The following GNG4 variants were observed in gnomAD, a reference collection of about 807,000 sequenced individuals.
The protein encoded by GNG4 is guanine nucleotide-binding protein G(I)/G(S)/G(O) subunit gamma-4.
Under a neutral mutation model 5.8 loss-of-function variants are expected in GNG4, and 4 were observed. The observed-to-expected ratio is 0.69, with a 90% CI of 0.34 to 1.57. The LOEUF (loss-of-function observed/expected upper bound fraction) is 1.57. Ranked by LOEUF, GNG4 falls within the 40% of genes most tolerant of loss-of-function variation. The pLI, the probability that GNG4 is intolerant of heterozygous loss-of-function variation, is 0.06. For synonymous variants in GNG4, 29 were observed against 32.9 expected, an observed-to-expected ratio of 0.88 and a Z score of 0.41; for missense variants, 96 against 95.1, an observed-to-expected ratio of 1.01 and a Z score of -0.04.
chr1:235,586,462 C>A lies in GNG4; in HGVS notation c.-10-2614G>T, dbSNP rs1313346100. Among the ~76,000 whole-genome samples, 6 of 152,166 alleles carry A rather than the reference C, an allele frequency of 3.9e-5. No homozygotes were observed. The East Asian group carries it at 7.7e-4, about 20-fold the overall frequency. On this transcript the variant is annotated intron_variant, in intron 2 of 3. Transcript: ENST00000391854. ...GAGGAGACACAGTCTAGTTCCCAACCCTTCCCAGCTGATGCAATGAAAAAA... is the reference window on the plus strand; with the variant it reads ...GAGGAGACACAGTCTAGTTCCCAACACTTCCCAGCTGATGCAATGAAAAAA...
intron 1 of GNG4, among the ~76,000 whole-genome samples, chr1:235,620,756 A>C (rs909650768): frequency 1.3e-5 from 2 of 152,142 alleles, no homozygotes; most frequent in African/African-American, 4.8e-5. Context: ...AGGAAGGTCT[A>C]GATCTCCTGA....
intron 1 of GNG4, among the ~76,000 whole-genome samples, chr1:235,599,505 C>T (rs1165809685): frequency 6.6e-6 from 1 of 151,726 alleles, no homozygotes; most frequent in South Asian, 2.1e-4. Context: ...TTAGTAGAGA[C>T]GGGGTTTCAC....
chr1:235,587,423 T>TGA (rs1687810291), intron 2 of GNG4, among the ~76,000 whole-genome samples: 1 of 46,890 alleles, frequency 2.1e-5, no homozygotes, highest in Non-Finnish European at 3.8e-5. Context: ...GGTGGGGGTG[T>TGA]GTGTGTGAGG....
intron 1 of GNG4, among the ~76,000 whole-genome samples, chr1:235,613,360 A>C (rs988984015): frequency 6.6e-6 from 1 of 152,028 alleles, no homozygotes; most frequent in East Asian, 1.9e-4. Context: ...TCTGTGTCCT[A>C]CTCCCCAGAA....
chr1:235,634,416 A>G (rs1223580327), intron 1 of GNG4, among the ~76,000 whole-genome samples: 1 of 152,206 alleles, frequency 6.6e-6, no homozygotes, highest in Non-Finnish European at 1.5e-5. Context: ...GAGAGGGCTA[A>G]GTGCAGTATT....
intron 2 of GNG4, among the ~76,000 whole-genome samples, chr1:235,589,813 G>A (rs1687917403): frequency 6.6e-6 from 1 of 152,218 alleles, no homozygotes; most frequent in Non-Finnish European, 1.5e-5. Context: ...GTCTAGTGGA[G>A]AAAATGACCT....
At chr1:235,568,926 A>C (rs994922367) in intron 3 of GNG4, among the ~76,000 whole-genome samples, 1 of 151,376 alleles carries the variant, frequency 6.6e-6, no homozygotes, top group Non-Finnish European at 1.5e-5. Context: ...GCCTAGGTTC[A>C]AGCAATTCTC....
At chr1:235,584,910 G>A (rs755208046) in intron 2 of GNG4, among the ~76,000 whole-genome samples, 3 of 152,138 alleles carry the variant, frequency 2.0e-5, no homozygotes, top group Non-Finnish European at 2.9e-5. Flanking sequence ...ACAACTGTTG[G>A]ACTTTATTGT....
At position 235,574,522 on chromosome 1, in the gene GNG4, C is replaced by T. The variant is rs111753244; in HGVS notation, c.99+9218G>A. Among the ~76,000 whole-genome samples, 705 of 152,252 alleles carry T rather than the reference C, an allele frequency of 4.6e-3. 3 individuals carry two copies. The highest frequency in any genetic ancestry group is 0.016 in the African/African-American group (673 of 41,532). ...AGATGTTCTGCTTCTTTGTTGGAAG[C>T]GCTTTAAGTAAGCTCCATGCTTAGG... On this transcript the variant is annotated intron_variant, in intron 3 of 3. Coordinates refer to ENST00000391854, the MANE Select transcript of GNG4 (RefSeq NM_001098722.2).
rs1020248229 is a variant in GNG4 at position 235,611,842 on chromosome 1, C to T, written c.-122-16331G>A. ...CTTTGGGAGGTCGAGGCGGGAGGATCGCTTGAGTCCAGGAGTTCAAGAACA... is the reference window on the plus strand; with the variant it reads ...CTTTGGGAGGTCGAGGCGGGAGGATTGCTTGAGTCCAGGAGTTCAAGAACA... On this transcript the variant is annotated intron_variant, in intron 1 of 3. Coordinates refer to ENST00000391854, the MANE Select transcript of GNG4 (RefSeq NM_001098722.2). Among the ~76,000 whole-genome samples, 8 of 151,978 alleles carry T rather than the reference C, an allele frequency of 5.3e-5. No individual in the cohort carries two copies. In the South Asian group the frequency reaches 6.2e-4, roughly 12 times the overall value.
At chr1:235,588,511 C>T (rs1251248459) in intron 2 of GNG4, among the ~76,000 whole-genome samples, 1 of 152,156 alleles carries the variant, frequency 6.6e-6, no homozygotes, top group Non-Finnish European at 1.5e-5. Context: ...TGGCCCTTTC[C>T]TCTGTCCCTA....
chr1:235,629,992 T>A (rs1281233360), intron 1 of GNG4, among the ~76,000 whole-genome samples: 2 of 152,230 alleles, frequency 1.3e-5, no homozygotes, highest in Non-Finnish European at 2.9e-5. Flanking sequence ...CATCACATTG[T>A]TCCCCTCTAC....
At chr1:235,601,803 C>T (rs1198519497) in intron 1 of GNG4, among the ~76,000 whole-genome samples, 3 of 152,200 alleles carry the variant, frequency 2.0e-5, no homozygotes, top group Admixed American at 6.5e-5. Flanking sequence ...ATTTGGGGAC[C>T]TCTGAGCTCT....
chr1:235,578,818 C>T (rs1408316677), intron 3 of GNG4, among the ~76,000 whole-genome samples: 2 of 152,170 alleles, frequency 1.3e-5, no homozygotes, highest in African/African-American at 4.8e-5. Flanking sequence ...AGTTTCAGGG[C>T]TGGCTGCGGT....
intron 2 of GNG4, among the ~76,000 whole-genome samples, chr1:235,587,186 AGT>A (rs1353765617): frequency 8.0e-6 from 1 of 124,886 alleles, no homozygotes; most frequent in African/African-American, 3.2e-5. Flanking sequence ...TGTGGGGGTG[AGT>A]GTGTGTGACA....
chr1:235,562,589 G>C (rs1687092371), intron 3 of GNG4, among the ~76,000 whole-genome samples: 1 of 143,946 alleles, frequency 6.9e-6, no homozygotes, highest in South Asian at 2.2e-4. Flanking sequence ...AGGTTGCAGA[G>C]AGCCAAGATG....
At chr1:235,645,204 C>T (rs1657471295) in intron 1 of GNG4, among the ~76,000 whole-genome samples, 1 of 152,140 alleles carries the variant, frequency 6.6e-6, no homozygotes. Context: ...AGTGTCTGGA[C>T]CTGAGCCACA....
chr1:235,564,203 G>T (rs985943446), intron 3 of GNG4, among the ~76,000 whole-genome samples: 11 of 152,118 alleles, frequency 7.2e-5, no homozygotes, highest in Non-Finnish European at 1.6e-4. Flanking sequence ...ATTTATAACT[G>T]GGAGCTAAAT....
intron 3 of GNG4, among the ~76,000 whole-genome samples, chr1:235,554,138 G>A (rs1350826101): frequency 6.6e-6 from 1 of 152,176 alleles, no homozygotes; most frequent in Non-Finnish European, 1.5e-5. Flanking sequence ...ACAGGGCTGC[G>A]ATGGACACAC....
Sources: gnomAD v4.1 joint callset for allele counts (sites outside exome capture counted in the v4.1 genomes callset) on GRCh38, gnomAD v4.1.1 for gene constraint, MANE v1.5 for transcripts, NCBI Gene and HGNC (gene_info 2026-07-23, HGNC 2026-07-21) for gene names.